Variants in CDH12 observed in about 807,000 individuals in gnomAD.
CDH12 encodes cadherin-12.
A neutral mutation model predicts 74.1 loss-of-function variants in CDH12; 41 were observed. The ratio of observed to expected loss-of-function variants is 0.55; its 90% CI spans 0.43 to 0.72. The LOEUF (loss-of-function observed/expected upper bound fraction) is 0.72, where lower values mean the gene tolerates loss of function less well. CDH12 is among the 30% of genes least tolerant of loss of function. The pLI is 0.00. For missense variants in CDH12, 945 were observed against 977.2 expected (o/e 0.97, Z 0.44); for synonymous variants, 399 against 355.0 (o/e 1.12, Z -1.39).
At position 22,849,180 on chromosome 5, in the gene CDH12, T is replaced by C. The variant is rs1388269905; in HGVS notation, c.-523+3878A>G. On this transcript the variant is annotated intron_variant, in intron 1 of 14. Coordinates refer to ENST00000382254, the MANE Select transcript of CDH12 (RefSeq NM_004061.5). ...AGAAAGACCTGACCATGATAAGTGT[T>C]ATCTGTGGGGTAATTCAAATTAAAT... Among the ~76,000 whole-genome samples, 3 of 152,276 alleles carry C rather than the reference T, an allele frequency of 2.0e-5. No individual in the cohort carries two copies. In the East Asian group the frequency reaches 5.8e-4, roughly 29 times the overall value.
intron 1 of CDH12, among the ~76,000 whole-genome samples, chr5:22,553,564 C>T (rs564108775): frequency 2.6e-5 from 4 of 152,086 alleles, no homozygotes; most frequent in African/African-American, 7.2e-5. Context: ...ATAAATCTAA[C>T]AAATGTGTAC....
chr5:22,520,043 C>A (rs971177159), intron 1 of CDH12, among the ~76,000 whole-genome samples: 3 of 151,576 alleles, frequency 2.0e-5, no homozygotes, highest in African/African-American at 7.3e-5. Context: ...AAGCTATAAC[C>A]AAAGGAAAGT....
chr5:21,755,833 G>T lies in CDH12; in HGVS notation c.1643C>A (p.Ala548Glu). The change falls in exon 14 of 15, where the codon GCG becomes GAG. Residue 548 changes from alanine (A) to glutamate (E), a missense_variant. Ala to Glu is a moderately radical substitution (Grantham distance 107). Coordinates refer to ENST00000382254, the MANE Select transcript of CDH12 (RefSeq NM_004061.5). ...FTVRDFRNNT[A>E]GIETRRNGYS... ...TCCATTTCTTCGGGTTTCAATCCCC[G>T]CTGTGTTGTCTACAAAACATGACAT... The T allele has an allele frequency of 1.9e-6, 3 of 1,613,870 alleles. No homozygotes were observed. The highest frequency in any genetic ancestry group is 2.5e-6 in the Non-Finnish European group (3 of 1,179,834).
chr5:22,021,096 G>A (rs181503961), intron 5 of CDH12, among the ~76,000 whole-genome samples: 1 of 152,208 alleles, frequency 6.6e-6, no homozygotes, highest in East Asian at 1.9e-4. Context: ...CACCCATAAT[G>A]GGATATATTG....
At chr5:22,058,264 C>G (rs1051975705) in intron 5 of CDH12, among the ~76,000 whole-genome samples, 1 of 151,970 alleles carries the variant, frequency 6.6e-6, no homozygotes, top group Non-Finnish European at 1.5e-5. Flanking sequence ...ACCGCGTTGC[C>G]CAGGCTGGTC....
chr5:21,879,090 T>C (rs1249169401), intron 6 of CDH12, among the ~76,000 whole-genome samples: 1 of 152,194 alleles, frequency 6.6e-6, no homozygotes, highest in Non-Finnish European at 1.5e-5. Flanking sequence ...ATCAAATTTT[T>C]ACTTCACATG....
At chr5:22,511,973 A>G (rs1003820657) in intron 1 of CDH12, among the ~76,000 whole-genome samples, 11 of 151,936 alleles carry the variant, frequency 7.2e-5, no homozygotes, top group African/African-American at 2.7e-4. Flanking sequence ...TCAATTATAT[A>G]TATGGGGTTT....
chr5:21,848,544 A>C (rs963064268), intron 7 of CDH12, among the ~76,000 whole-genome samples: 1 of 152,042 alleles, frequency 6.6e-6, no homozygotes, highest in African/African-American at 2.4e-5. Context: ...AAAATGTAAA[A>C]TGGATTTTTT....
intron 5 of CDH12, among the ~76,000 whole-genome samples, chr5:22,061,872 AT>A (rs1049174705): frequency 6.6e-6 from 1 of 152,176 alleles, no homozygotes; most frequent in African/African-American, 2.4e-5. Context: ...TGACATGTGC[AT>A]AAGTGCTTTC....
intron 3 of CDH12, among the ~76,000 whole-genome samples, chr5:22,244,784 GAAA>G (rs1561251290): frequency 8.1e-6 from 1 of 123,164 alleles, no homozygotes; most frequent in African/African-American, 3.0e-5. Context: ...AAGAAAGAAA[GAAA>G]GAAAGAAAGA....
chr5:22,268,791 C>G (rs143214309), intron 3 of CDH12, among the ~76,000 whole-genome samples: 1 of 152,160 alleles, frequency 6.6e-6, no homozygotes, highest in African/African-American at 2.4e-5. Context: ...AGAATCATAG[C>G]TTTTAATTAT....
At chr5:22,519,424 C>CTT (rs373678915) in intron 1 of CDH12, among the ~76,000 whole-genome samples, 4 of 140,722 alleles carry the variant, frequency 2.8e-5, no homozygotes, top group South Asian at 2.3e-4. Flanking sequence ...TATCCACACT[C>CTT]TTTTTTTTTT....
chr5:22,568,674 T>G (rs1044078472), intron 1 of CDH12, among the ~76,000 whole-genome samples: 15 of 152,110 alleles, frequency 9.9e-5, no homozygotes, highest in Admixed American at 9.8e-4. Context: ...AAATAATAAA[T>G]ACAGGCACAG....
intron 1 of CDH12, among the ~76,000 whole-genome samples, chr5:22,507,222 T>C (rs1736426073): frequency 6.6e-6 from 1 of 152,156 alleles, no homozygotes; most frequent in Non-Finnish European, 1.5e-5. Flanking sequence ...AGGAGATATA[T>C]ACTGCTTTAT....
At chr5:22,470,622 T>C (rs1371569961) in intron 2 of CDH12, among the ~76,000 whole-genome samples, 1 of 152,030 alleles carries the variant, frequency 6.6e-6, no homozygotes, top group African/African-American at 2.4e-5. Context: ...GGTCTTGCTA[T>C]GTTTCCCAGG....
At chr5:22,378,318 T>C (rs1469090158) in intron 3 of CDH12, among the ~76,000 whole-genome samples, 1 of 152,130 alleles carries the variant, frequency 6.6e-6, no homozygotes, top group Non-Finnish European at 1.5e-5. Context: ...ATCACATATA[T>C]TACTACAGGC....
At chr5:22,829,654 C>A (rs1182677995) in intron 1 of CDH12, among the ~76,000 whole-genome samples, 1 of 152,162 alleles carries the variant, frequency 6.6e-6, no homozygotes, top group African/African-American at 2.4e-5. Flanking sequence ...TTCACTTTGG[C>A]GTGGACCTTT....
rs149680372 is a variant in CDH12 at position 22,461,147 on chromosome 5, C to T, written c.-428+44123G>A. On this transcript the variant is annotated intron_variant, in intron 2 of 14. Transcript: ENST00000382254. ...GGTTCAAGCGATTCTCCTGCCTCAGCGTCCCGAGTAGCTGGGACTACAGGT... is the reference window on the plus strand; with the variant it reads ...GGTTCAAGCGATTCTCCTGCCTCAGTGTCCCGAGTAGCTGGGACTACAGGT... 7.4e-3 allele frequency among the ~76,000 whole-genome samples: 1,070 copies of T among 145,468 alleles called. 21 individuals carry two copies. Among genetic ancestry groups the T allele is most frequent in the African/African-American group, 0.026 (1,009 of 39,048 alleles).
At chr5:22,526,254 T>C (rs1253400368) in intron 1 of CDH12, among the ~76,000 whole-genome samples, 1 of 152,094 alleles carries the variant, frequency 6.6e-6, no homozygotes, top group Non-Finnish European at 1.5e-5. Flanking sequence ...ACCCTGAAAG[T>C]TCAATGTTGA....
Sources: allele counts gnomAD v4.1 joint callset (sites outside exome capture counted in the v4.1 genomes callset), GRCh38; gene constraint gnomAD v4.1.1; transcripts MANE v1.5; gene names NCBI Gene and HGNC (gene_info 2026-07-23, HGNC 2026-07-21).